TECTA: variants seen among roughly 807,000 people sequenced by gnomAD.
TECTA encodes alpha-tectorin.
A neutral mutation model predicts 216.8 loss-of-function variants in TECTA; 128 were observed. The observed-to-expected ratio is 0.59, with a 90% CI of 0.51 to 0.68. TECTA has a LOEUF of 0.68. Among genes scored for constraint, TECTA ranks in the 30% least tolerant of loss-of-function variants. The pLI, the probability that TECTA is intolerant of heterozygous loss-of-function variation, is 0.00. For missense variants in TECTA, 2,551 were observed against 2,786.2 expected, an observed-to-expected ratio of 0.92 and a Z score of 1.90; for synonymous variants, 1,089 against 1,117.1, an observed-to-expected ratio of 0.97 and a Z score of 0.50.
intron 8 of TECTA, 38 bp downstream of exon 8, chr11:121,125,910 G>T (rs1369415798): frequency 6.3e-7 from 1 of 1,596,802 alleles, no homozygotes; most frequent in Non-Finnish European, 8.5e-7. Flanking sequence ...GGTCTCTCTT[G>T]TGCAGGGGGC....
Position 121,190,128 on chromosome 11 carries a change from T to C in TECTA, c.6367+248T>C, listed in dbSNP as rs1947327466. 8.2e-6 allele frequency: 4 copies of C among 489,712 alleles called. No homozygotes were observed. The Admixed American group carries it at 1.3e-4, about 16-fold the overall frequency. The allele number at this position is 489,712 out of a possible 1,614,324, so 30.3% of individuals were successfully genotyped here. On this transcript the variant is annotated intron_variant, in intron 23 of 23. Transcript: ENST00000392793. ...ATAAAGGTAATTTAAAAAAACAAGT[T>C]ATCCAGCCAATTTTAAGGACCATAT...
intron 9 of TECTA, among the ~76,000 whole-genome samples, chr11:121,128,602 A>C (rs1222176073): frequency 6.6e-6 from 1 of 152,212 alleles, no homozygotes; most frequent in Non-Finnish European, 1.5e-5. Flanking sequence ...CAGAACACTT[A>C]CTATGTGCCA....
At chr11:121,161,939 C>G in intron 15 of TECTA, 136 bp from the exon 16 acceptor site, 1 of 1,067,326 alleles carries the variant, frequency 9.4e-7, no homozygotes, top group South Asian at 1.3e-5. Flanking sequence ...CAGTATCTTA[C>G]TTGCCAAAGG....
Position 121,137,488 on chromosome 11 carries a change from T to C in TECTA, c.3009T>C (p.Leu1003=). ...CATGTACAGAGACCTGTGAGACCCT[T>C]ACCCTGGGCCCCATCTGCGTGGATA... is the stretch of plus-strand genomic sequence containing the variant. ...CITCTETCET[L]TLGPICVDSC... The change falls in exon 11 of 24, where the codon CTT becomes CTC. Residue 1003 remains leucine (L), a synonymous_variant. Transcript: ENST00000392793. The C allele has an allele frequency of 6.2e-7, 1 of 1,613,896 alleles. No individual in the cohort carries two copies. The highest frequency in any genetic ancestry group is 8.5e-7 in the Non-Finnish European group (1 of 1,179,970).
Position 121,118,676 on chromosome 11 carries a change from C to T in TECTA, c.1161C>T (p.Gly387=), listed in dbSNP as rs1411227128. 1.2e-6 allele frequency: 2 copies of T among 1,614,002 alleles called. No homozygotes were observed. Among genetic ancestry groups the T allele is most frequent in the Middle Eastern group, 1.6e-4 (1 of 6,062 alleles). The part of the protein sequence containing the change: ...WVKELSVEVN[G]YKILIPKGSY... ...AGGAGCTCTCAGTGGAGGTGAATGGCTACAAGATTCTCATCCCCAAAGGAA... is the reference window on the plus strand; with the variant it reads ...AGGAGCTCTCAGTGGAGGTGAATGGTTACAAGATTCTCATCCCCAAAGGAA... Residue 387 remains glycine, a synonymous_variant, in exon 7 of 24, where the codon GGC becomes GGT. Coordinates refer to ENST00000392793, the MANE Select transcript of TECTA (RefSeq NM_005422.4).
At chr11:121,168,439 C>T (rs1351066930) in intron 19 of TECTA, 9 of 826,728 alleles carry the variant, frequency 1.1e-5, no homozygotes, top group Admixed American at 4.8e-5. Context: ...TGTGGCTGCT[C>T]AGCACTTGAA....
intron 1 of TECTA, 23 bp downstream of exon 1, chr11:121,101,465 A>G (rs1375199968): frequency 6.6e-6 from 1 of 152,200 alleles, no homozygotes; most frequent in Non-Finnish European, 1.5e-5. Flanking sequence ...TTTCATAAAT[A>G]CAAATATCTA....
intron 20 of TECTA, among the ~76,000 whole-genome samples, chr11:121,183,822 C>G (rs1947255355): frequency 6.6e-6 from 1 of 152,198 alleles, no homozygotes; most frequent in African/African-American, 2.4e-5. Context: ...TAGTCTCACT[C>G]TATTGCCCAG....
rs751371412 is a variant in TECTA at position 121,109,427 on chromosome 11, T to G, written c.415T>G (p.Phe139Val). The G allele has an allele frequency of 1.2e-6, 2 of 1,614,206 alleles. No homozygotes were observed. The highest frequency in any genetic ancestry group is 3.3e-5 in the Admixed American group (2 of 60,028). The stretch of plus-strand genomic sequence containing the variant: ...GAAGTACTTCAAAGACATGGCAACC[T>G]TCTCTGCCACTTGGGTTTTCATTGT... Reference protein sequence around the residue: ...IRKYFKDMATFSATWVFIVTW... With the variant: ...IRKYFKDMATVSATWVFIVTW... Residue 139 changes from phenylalanine to valine, a missense_variant, in exon 4 of 24, where the codon TTC (phenylalanine) becomes GTC (valine). Coordinates refer to ENST00000392793, the MANE Select transcript of TECTA (RefSeq NM_005422.4).
At chr11:121,114,658 T>C (rs1300256715) in intron 6 of TECTA, among the ~76,000 whole-genome samples, 55 of 63,342 alleles carry the variant, frequency 8.7e-4, no homozygotes, top group African/African-American at 3.5e-3. Context: ...TCCATCCACC[T>C]ACCCACCCAC....
rs774697277 is a variant in TECTA at position 121,152,980 on chromosome 11, G to C, written c.4205G>C (p.Cys1402Ser). Residue 1402 changes from cysteine to serine, a missense_variant, in exon 13 of 24, where the codon TGC (cysteine) becomes TCC (serine). This residue lies in a region of TECTA where 2,375 missense variants were observed against 2,563.9 expected (regional missense o/e 0.93). Transcript: ENST00000392793. ...CTGAAGAGTGACTGCAGCCACTACT[G>C]CGTGGAGGGCTGTCACTGCGACGCT... is the stretch of plus-strand genomic sequence containing the variant. Reference protein sequence around the residue: ...IRLKSDCSHYCVEGCHCDAGY... With the variant: ...IRLKSDCSHYSVEGCHCDAGY... 20 of 1,614,170 alleles carry C rather than the reference G, an allele frequency of 1.2e-5. No homozygotes were observed. In the Admixed American group the frequency reaches 2.0e-4, roughly 16 times the overall value.
chr11:121,113,842 G>A lies in TECTA; in HGVS notation c.790+124G>A, dbSNP rs1946469784. On this transcript the variant is annotated intron_variant, in intron 6 of 23. Transcript: ENST00000392793. This position sits in a 1 kb window ranked among gnomAD's most constrained non-coding sequence, Gnocchi z 4.2. ...TACTCTTTTGACATCTCTCCGCTGG[G>A]TAATGGAGATCAAGGTAATTTTAGC... 1.7e-6 allele frequency: 2 copies of A among 1,153,846 alleles called. No individual in the cohort carries two copies. The highest frequency in any genetic ancestry group is 1.3e-5 in the South Asian group (1 of 76,042). 71.5% of individuals were successfully genotyped at this position (1,153,846 alleles called of 1,614,324 possible). A position where few individuals can be genotyped will look rare whatever the true frequency, so the allele number is the denominator to read the frequency against.
rs774191874 is a variant in TECTA, at chr11:121,137,633, T to G, written c.3154T>G (p.Trp1052Gly). 6.2e-7 allele frequency: 1 copy of G among 1,614,056 alleles called. No homozygotes were observed. The highest frequency in any genetic ancestry group is 8.5e-7 in the Non-Finnish European group (1 of 1,180,014). Residue 1052 changes from tryptophan (W) to glycine (G), a missense_variant, in exon 11 of 24, where the codon TGG becomes GGG. By Grantham distance (184) the Trp-to-Gly change is radical. Transcript: ENST00000392793. Reference sequence around the variant, plus strand: ...CCAACTTGCCACCAATGAGACCTTCTGGGTGGACCTGGACTGCCAGATCTT... The same window carrying G: ...CCAACTTGCCACCAATGAGACCTTCGGGGTGGACCTGGACTGCCAGATCTT... Reference protein sequence around the residue: ...GHQLATNETFWVDLDCQIFCY... With the variant: ...GHQLATNETFGVDLDCQIFCY...
At position 121,136,397 on chromosome 11, in the gene TECTA, G is replaced by A. The variant is rs117836238; in HGVS notation, c.2942-1024G>A. On this transcript the variant is annotated intron_variant, in intron 10 of 23. Coordinates refer to ENST00000392793, the MANE Select transcript of TECTA (RefSeq NM_005422.4). Reference sequence around the variant, plus strand: ...AAAGCGCATGAGCAAAGGGGCTGCGGGGTGATGACCTCCTTTGCAGAGAAT... The same window carrying A: ...AAAGCGCATGAGCAAAGGGGCTGCGAGGTGATGACCTCCTTTGCAGAGAAT... Among the ~76,000 whole-genome samples, 1,453 of 152,264 alleles carry A rather than the reference G, an allele frequency of 9.5e-3. 11 individuals carry two copies. Among genetic ancestry groups the A allele is most frequent in the Middle Eastern group, 0.017 (5 of 294 alleles).
intron 20 of TECTA, among the ~76,000 whole-genome samples, chr11:121,172,958 C>T (rs1947127393): frequency 6.7e-6 from 1 of 149,550 alleles, no homozygotes; most frequent in Non-Finnish European, 1.5e-5. Flanking sequence ...AGCATTTTTT[C>T]ATGTGTTTTT....
At chr11:121,121,007 C>T (rs2135071279) in intron 7 of TECTA, among the ~76,000 whole-genome samples, 1 of 152,338 alleles carries the variant, frequency 6.6e-6, no homozygotes, top group Middle Eastern at 3.4e-3. Context: ...GGCGGCCTCT[C>T]CTCAGCACTG....
chr11:121,158,103 TCTC>T lies in TECTA; in HGVS notation c.4571_4573del (p.Ser1524del). 1 of 1,614,136 alleles carries T rather than the reference TCTC, an allele frequency of 6.2e-7. No individual in the cohort carries two copies. Among genetic ancestry groups the T allele is most frequent in the South Asian group, 1.1e-5 (1 of 91,088 alleles). On this transcript the variant is annotated inframe_deletion, in exon 14 of 24. Coordinates refer to ENST00000392793, the MANE Select transcript of TECTA (RefSeq NM_005422.4). ...ACCATCTGCCAGAAACTGCCCGACA[TCTC>T]CTTCCAGCTTATCATCAACTTCGAC...
Position 121,166,481 on chromosome 11 carries a change from C to T in TECTA, c.5384-97C>T. 6 of 1,264,436 alleles carry T rather than the reference C, an allele frequency of 4.7e-6. No individual in the cohort carries two copies. The South Asian group carries it at 7.3e-5, about 15-fold the overall frequency. 78.3% of individuals were successfully genotyped at this position (1,264,436 alleles called of 1,614,324 possible). On this transcript the variant is annotated intron_variant, in intron 17 of 23. Coordinates refer to ENST00000392793, the MANE Select transcript of TECTA (RefSeq NM_005422.4). Reference sequence around the variant, plus strand: ...GCAGCCTTGGAGTGGAGGTCATTTGCCTCTTCTAAAGGAGAATGGAAATGG... The same window carrying T: ...GCAGCCTTGGAGTGGAGGTCATTTGTCTCTTCTAAAGGAGAATGGAAATGG...
chr11:121,162,350 G>A lies in TECTA; in HGVS notation c.5252G>A (p.Trp1751Ter). The A allele has an allele frequency of 6.2e-7, 1 of 1,613,352 alleles. No homozygotes were observed. ...CRSFGILSTE[W>*]IEKENCSGVV... is the part of the protein sequence containing the mutation. ...TCCTTCGGGATCCTTAGCACCGAGTGGATTGAGAAGGAGAATTGCTGTAAG... is the reference window on the plus strand; with the variant it reads ...TCCTTCGGGATCCTTAGCACCGAGTAGATTGAGAAGGAGAATTGCTGTAAG... Residue 1751 changes from tryptophan to a stop codon, truncating the protein, a stop_gained, in exon 16 of 24, where the codon TGG becomes TAG. Coordinates refer to ENST00000392793, the MANE Select transcript of TECTA (RefSeq NM_005422.4). LOFTEE classifies it high-confidence loss of function.
Sources: gnomAD v4.1 joint callset for allele counts (sites outside exome capture counted in the v4.1 genomes callset) on GRCh38, gnomAD v4.1.1 for gene constraint, gnomAD v4.1.1 regional missense constraint, Gnocchi (gnomAD v3.1) non-coding constraint, MANE v1.5 for transcripts, NCBI Gene and HGNC (gene_info 2026-07-23, HGNC 2026-07-21) for gene names.